Variants in ZNF541 observed in about 807,000 individuals in gnomAD.
ZNF541 encodes the protein zinc finger protein 541.
ZNF541 carries 23 observed loss-of-function variants against 123.5 expected under a neutral mutation model. The observed-to-expected ratio is 0.19, with a 90% CI of 0.13 to 0.26. The LOEUF (loss-of-function observed/expected upper bound fraction) is 0.26. ZNF541 is among the 10% of genes least tolerant of loss of function. The probability of loss-of-function intolerance (pLI) is 1.00; values close to 1 mark genes in which losing one functional copy is unlikely to be tolerated. For missense variants in ZNF541, 1,612 were observed against 1,789.9 expected, an observed-to-expected ratio of 0.90 and a Z score of 1.79; for synonymous variants, 751 against 754.5, an observed-to-expected ratio of 1.00 and a Z score of 0.08.
Position 47,544,168 on chromosome 19 carries a change from T to C in ZNF541, c.2361A>G (p.Ala787=), listed in dbSNP as rs923786860. ...TTGTCAGCTTGGACTTGGAGGGATC[T>C]GCCGGGGGCCCGGCCGATGAGAAGG... The part of the protein sequence containing the change: ...MASFSSAGPP[A]DPSKSKLTIF... The change falls in exon 5 of 17, where the codon GCA becomes GCG. Residue 787 remains alanine, a synonymous_variant. Transcript: ENST00000391901. 3.2e-6 allele frequency: 5 copies of C among 1,551,636 alleles called. No homozygotes were observed. Among genetic ancestry groups the C allele is most frequent in the Admixed American group, 3.9e-5 (2 of 51,006 alleles).
rs34476455 is a variant in ZNF541 at position 47,556,760 on chromosome 19, C to CTT, written c.-98-808_-98-807dup. On this transcript the variant is annotated intron_variant, in intron 2 of 16. Coordinates refer to ENST00000391901, the MANE Select transcript of ZNF541 (RefSeq NM_001277075.3). ...TGGAATGATAATTTTTTTTCTTTTC[C>CTT]TTTTTTTTTTTTTTTGAGATGGAGT... Among the ~76,000 whole-genome samples, 73 of 136,658 alleles carry CTT rather than the reference C, an allele frequency of 5.3e-4. 1 individual carries two copies. Among genetic ancestry groups the CTT allele is most frequent in the South Asian group, 3.5e-3 (15 of 4,260 alleles). The allele number at this position is 136,658 out of a possible 152,430, so 89.7% of individuals were successfully genotyped here. A position where few individuals can be genotyped will look rare whatever the true frequency, so the allele number is the denominator to read the frequency against.
intron 6 of ZNF541, 57 bp downstream of exon 6, chr19:47,540,836 G>A: frequency 6.6e-7 from 1 of 1,522,200 alleles, no homozygotes; most frequent in Non-Finnish European, 8.9e-7. Context: ...GGCCGGCACA[G>A]GAAGGCCAGA....
rs915189397 is a variant in ZNF541, at chr19:47,544,213, C to G, written c.2316G>C (p.Pro772=). 1 of 1,551,468 alleles carries G rather than the reference C, an allele frequency of 6.4e-7. No individual in the cohort carries two copies. Among genetic ancestry groups the G allele is most frequent in the Non-Finnish European group, 8.7e-7 (1 of 1,146,976 alleles). ...AKMDMCCAAS[P]SQVAMASFSS... Reference sequence around the variant, plus strand: ...AGAAGGAGGCCATGGCTACCTGGCTCGGAGAAGCCGCACAGCACATATCCA... The same window carrying G: ...AGAAGGAGGCCATGGCTACCTGGCTGGGAGAAGCCGCACAGCACATATCCA... The change falls in exon 5 of 17, where the codon CCG becomes CCC. Residue 772 remains proline (P), a synonymous_variant. Transcript: ENST00000391901.
rs1969991106 is a variant in ZNF541 at position 47,539,688 on chromosome 19, G to A, written c.2796+17C>T. ...TGCGGGCAGTGGCAGGAAGGAGGCA[G>A]GCCGACAAGCACCCACCATGGCCAT... is the stretch of plus-strand genomic sequence containing the variant. On this transcript the variant is annotated intron_variant, in intron 8 of 16. Coordinates refer to ENST00000391901, the MANE Select transcript of ZNF541 (RefSeq NM_001277075.3). 2.2e-6 allele frequency: 3 copies of A among 1,383,700 alleles called. No individual in the cohort carries two copies. Among genetic ancestry groups the A allele is most frequent in the Admixed American group, 4.0e-5 (1 of 25,138 alleles). 85.7% of individuals were successfully genotyped at this position (1,383,700 alleles called of 1,614,324 possible). A position where few individuals can be genotyped will look rare whatever the true frequency, so the allele number is the denominator to read the frequency against.
At chr19:47,568,940 G>A (rs1366983128) in intron 2 of ZNF541, among the ~76,000 whole-genome samples, 1 of 152,120 alleles carries the variant, frequency 6.6e-6, no homozygotes. Flanking sequence ...AAAATGCTAG[G>A]ATTACAGGCG....
At chr19:47,563,383 G>A (rs1174613628) in intron 2 of ZNF541, among the ~76,000 whole-genome samples, 1 of 152,138 alleles carries the variant, frequency 6.6e-6, no homozygotes, top group African/African-American at 2.4e-5. Flanking sequence ...AACATGTAGG[G>A]TCAGGTTTGG....
intron 5 of ZNF541, 86 bp from the exon 6 acceptor site, chr19:47,541,037 C>T: frequency 7.9e-7 from 1 of 1,269,924 alleles, no homozygotes. Flanking sequence ...AAGAAAACAT[C>T]AGAGTAAATC....
intron 4 of ZNF541, among the ~76,000 whole-genome samples, chr19:47,546,478 C>T (rs1237475839): frequency 6.6e-6 from 1 of 151,900 alleles, no homozygotes. Context: ...CACCACTGCA[C>T]TCCAGCCTGG....
chr19:47,534,934 T>C (rs979918880), intron 9 of ZNF541, among the ~76,000 whole-genome samples: 3 of 152,252 alleles, frequency 2.0e-5, no homozygotes, highest in Admixed American at 6.5e-5. Context: ...TATCTTCAAA[T>C]TGATTACAGA....
Position 47,549,344 on chromosome 19 carries a change from C to T in ZNF541, c.449G>A (p.Ser150Asn), listed in dbSNP as rs1317517167. 4 of 1,551,774 alleles carry T rather than the reference C, an allele frequency of 2.6e-6. No homozygotes were observed. The highest frequency in any genetic ancestry group is 3.5e-6 in the Non-Finnish European group (4 of 1,147,034). Residue 150 changes from serine (S) to asparagine (N), a missense_variant, in exon 4 of 17, where the codon AGC (serine) becomes AAC (asparagine). Ser to Asn is a conservative substitution (Grantham distance 46). This residue lies in a region of ZNF541 where 212 missense variants were observed against 289.6 expected (regional missense o/e 0.73). Coordinates refer to ENST00000391901, the MANE Select transcript of ZNF541 (RefSeq NM_001277075.3). Reference protein sequence around the residue: ...LDCSLCGKVFSSASSLSKHYL... With the variant: ...LDCSLCGKVFNSASSLSKHYL... The stretch of plus-strand genomic sequence containing the variant: ...GTGCTTGCTCAGAGAACTGGCGCTG[C>T]TGAACACCTTCCCGCACAGGCTGCA...
intron 6 of ZNF541, 40 bp from the exon 7 acceptor site, chr19:47,540,375 C>A (rs1180507042): frequency 2.0e-6 from 3 of 1,516,558 alleles, no homozygotes; most frequent in Non-Finnish European, 2.7e-6. Flanking sequence ...GAGATTAGGA[C>A]TCTGTCCTTG....
intron 9 of ZNF541, among the ~76,000 whole-genome samples, chr19:47,536,456 T>G (rs745663875): frequency 3.9e-5 from 6 of 152,188 alleles, no homozygotes; most frequent in Non-Finnish European, 8.8e-5. Flanking sequence ...CAGCCTGGTC[T>G]TGAACTCCTG....
At chr19:47,538,738 G>A (rs981436167) in intron 8 of ZNF541, among the ~76,000 whole-genome samples, 2 of 152,140 alleles carry the variant, frequency 1.3e-5, no homozygotes, top group African/African-American at 4.8e-5. Context: ...CAGAGATACA[G>A]TGTGACGGTG....
At chr19:47,559,757 G>A (rs1970984282) in intron 2 of ZNF541, among the ~76,000 whole-genome samples, 1 of 151,594 alleles carries the variant, frequency 6.6e-6, no homozygotes, top group African/African-American at 2.4e-5. Context: ...GGCTGAGGCA[G>A]GAGGATCGCT....
chr19:47,535,463 A>G (rs567349059), intron 9 of ZNF541, among the ~76,000 whole-genome samples: 18 of 152,350 alleles, frequency 1.2e-4, no homozygotes, highest in Non-Finnish European at 1.6e-4. Flanking sequence ...TGTTGACAAG[A>G]AGGAGGAGAA....
chr19:47,563,000 C>T (rs374903142), intron 2 of ZNF541, among the ~76,000 whole-genome samples: 2 of 152,272 alleles, frequency 1.3e-5, no homozygotes, highest in East Asian at 1.9e-4. Context: ...ACTTGAATAA[C>T]GGGAGTTTGG....
intron 3 of ZNF541, among the ~76,000 whole-genome samples, chr19:47,552,246 G>A (rs1369564459): frequency 6.6e-6 from 1 of 152,204 alleles, no homozygotes; most frequent in Non-Finnish European, 1.5e-5. Flanking sequence ...CATGGGAAGA[G>A]CAGGAGGTTG....
chr19:47,558,293 G>A (rs1304834459), intron 2 of ZNF541, among the ~76,000 whole-genome samples: 1 of 151,900 alleles, frequency 6.6e-6, no homozygotes, highest in Admixed American at 6.6e-5. Flanking sequence ...GTGGGCGCCT[G>A]TAGTCCCAGC....
chr19:47,531,206 T>C (rs1478777453), intron 12 of ZNF541, among the ~76,000 whole-genome samples: 3 of 124,142 alleles, frequency 2.4e-5, no homozygotes, highest in East Asian at 2.7e-4. Context: ...ACTTTTAATA[T>C]ACTTTCTAAC....
Sources: gnomAD v4.1 joint callset for allele counts (sites outside exome capture counted in the v4.1 genomes callset) on GRCh38, gnomAD v4.1.1 for gene constraint, gnomAD v4.1.1 regional missense constraint, MANE v1.5 for transcripts, NCBI Gene and HGNC (gene_info 2026-07-23, HGNC 2026-07-21) for gene names.